Variants in LRMDA observed in about 807,000 individuals in gnomAD.
The protein encoded by LRMDA is leucine rich melanocyte differentiation associated.
In LRMDA, 18 loss-of-function variants were observed where a neutral mutation model predicts 29.8. That is an observed-to-expected ratio of 0.60 (90% CI 0.42 to 0.90). The LOEUF is 0.90. Among genes scored for constraint, LRMDA ranks in the 40% least tolerant of loss-of-function variants. The pLI, the probability that LRMDA is intolerant of heterozygous loss-of-function variation, is 0.00. For synonymous variants in LRMDA, 125 were observed against 109.4 expected, an observed-to-expected ratio of 1.14 and a Z score of -0.89; for missense variants, 273 against 273.9, an observed-to-expected ratio of 1.00 and a Z score of 0.02.
intron 2 of LRMDA, among the ~76,000 whole-genome samples, chr10:75,985,963 G>T (rs1022163130): frequency 2.6e-5 from 4 of 152,214 alleles, no homozygotes; most frequent in Admixed American, 2.0e-4. Flanking sequence ...TGGTAGAAAG[G>T]CTCTTGTATC....
chr10:75,727,670 A>C (rs566000567), intron 2 of LRMDA, among the ~76,000 whole-genome samples: 1 of 152,368 alleles, frequency 6.6e-6, no homozygotes, highest in South Asian at 2.1e-4. Flanking sequence ...TATTTTACAT[A>C]ACAAAGAAGA....
chr10:76,525,578 A>G, intron 6 of LRMDA, among the ~76,000 whole-genome samples: 1 of 151,146 alleles, frequency 6.6e-6, no homozygotes, highest in East Asian at 1.9e-4. Flanking sequence ...GGCCTATAAT[A>G]GGTTCTTGTA....
At chr10:76,423,754 G>A (rs1314971810) in intron 6 of LRMDA, among the ~76,000 whole-genome samples, 3 of 152,186 alleles carry the variant, frequency 2.0e-5, no homozygotes, top group African/African-American at 7.2e-5. Context: ...GCTAGAATGA[G>A]TTTTCCCATT....
intron 5 of LRMDA, among the ~76,000 whole-genome samples, chr10:76,199,228 T>C (rs1477479953): frequency 6.6e-6 from 1 of 152,198 alleles, no homozygotes; most frequent in Non-Finnish European, 1.5e-5. Context: ...GTCCTGTTTT[T>C]ACCAGGTCAT....
chr10:75,969,662 C>T (rs1327269070), intron 2 of LRMDA, among the ~76,000 whole-genome samples: 1 of 152,186 alleles, frequency 6.6e-6, no homozygotes, highest in African/African-American at 2.4e-5. Flanking sequence ...CAGCCCAATG[C>T]TTTAATTTTC....
intron 2 of LRMDA, among the ~76,000 whole-genome samples, chr10:75,528,692 T>C (rs900450791): frequency 6.6e-6 from 1 of 152,050 alleles, no homozygotes; most frequent in African/African-American, 2.4e-5. Flanking sequence ...GGGCAGAAAT[T>C]TAAGGATTGC....
chr10:76,331,077 C>T (rs1310504262), intron 6 of LRMDA, among the ~76,000 whole-genome samples: 1 of 152,128 alleles, frequency 6.6e-6, no homozygotes, highest in Non-Finnish European at 1.5e-5. Context: ...TCGAGACCAG[C>T]CTGGCCAACA....
At chr10:76,412,796 C>A (rs1040018533) in intron 6 of LRMDA, among the ~76,000 whole-genome samples, 8 of 152,058 alleles carry the variant, frequency 5.3e-5, no homozygotes, top group Admixed American at 2.6e-4. Context: ...CTGCAATCTT[C>A]CTCCTTTCCC....
At chr10:75,684,092 T>C (rs1220363514) in intron 2 of LRMDA, among the ~76,000 whole-genome samples, 1 of 152,254 alleles carries the variant, frequency 6.6e-6, no homozygotes, top group East Asian at 1.9e-4. Context: ...CCATTCCAAT[T>C]TGGCTGAAGT....
intron 2 of LRMDA, among the ~76,000 whole-genome samples, chr10:75,786,752 AT>A (rs1216958403): frequency 3.9e-5 from 6 of 151,988 alleles, no homozygotes; most frequent in South Asian, 2.1e-4. Context: ...TTCTCTAGAT[AT>A]TTTTTTCTAT....
chr10:76,458,730 C>T (rs3740241), intron 6 of LRMDA, among the ~76,000 whole-genome samples: 98,731 of 151,540 alleles, frequency 0.65, 33,966 homozygotes, highest in Non-Finnish European at 0.78. Context: ...TTCACAGGGG[C>T]CACAGAAATC....
At chr10:75,876,265 T>C (rs1438744775) in intron 2 of LRMDA, among the ~76,000 whole-genome samples, 1 of 152,162 alleles carries the variant, frequency 6.6e-6, no homozygotes, top group Non-Finnish European at 1.5e-5. Context: ...CAGTGAAAGT[T>C]GATTTGCTTA....
At chr10:75,688,729 G>A (rs1317661373) in intron 2 of LRMDA, among the ~76,000 whole-genome samples, 1 of 152,146 alleles carries the variant, frequency 6.6e-6, no homozygotes, top group Non-Finnish European at 1.5e-5. Flanking sequence ...TTCGTGAAAG[G>A]AAGTTGATAT....
At chr10:75,637,054 C>G (rs1841398156) in intron 2 of LRMDA, among the ~76,000 whole-genome samples, 1 of 152,174 alleles carries the variant, frequency 6.6e-6, no homozygotes, top group Non-Finnish European at 1.5e-5. Context: ...TATGCCTACT[C>G]TATTGGAGGA....
intron 2 of LRMDA, among the ~76,000 whole-genome samples, chr10:75,634,179 TC>T (rs1373436700): frequency 6.6e-6 from 1 of 152,192 alleles, no homozygotes; most frequent in African/African-American, 2.4e-5. Flanking sequence ...AAAGCAGACA[TC>T]TTCTTTTGTG....
Position 76,116,959 on chromosome 10 carries a change from C to T in LRMDA, c.516+58176C>T, listed in dbSNP as rs115282740. ...GTAACCAGTTTCCCTTTGTTATTCA[C>T]GTCTATCCAATAACTCTTGCTCTTA... is the stretch of plus-strand genomic sequence containing the variant. On this transcript the variant is annotated intron_variant, in intron 5 of 6. Transcript: ENST00000611255. Among the ~76,000 whole-genome samples the T allele has an allele frequency of 4.0e-3, 605 of 152,194 alleles. 3 individuals are homozygous for T. The highest frequency in any genetic ancestry group is 0.013 in the African/African-American group (543 of 41,518).
At chr10:75,549,675 C>A (rs530587067) in intron 2 of LRMDA, among the ~76,000 whole-genome samples, 44 of 152,202 alleles carry the variant, frequency 2.9e-4, no homozygotes, top group African/African-American at 8.4e-4. Flanking sequence ...ACAATTAATT[C>A]CCTTTCTAAG....
At chr10:75,828,331 T>C (rs1190458234) in intron 2 of LRMDA, among the ~76,000 whole-genome samples, 1 of 152,200 alleles carries the variant, frequency 6.6e-6, no homozygotes, top group Non-Finnish European at 1.5e-5. Flanking sequence ...CCAGGTCCAA[T>C]TTTATAATTT....
intron 2 of LRMDA, among the ~76,000 whole-genome samples, chr10:75,499,927 A>T (rs1368311594): frequency 6.6e-6 from 1 of 152,184 alleles, no homozygotes; most frequent in African/African-American, 2.4e-5. Context: ...CAATGAAAAG[A>T]TAGTTGAGCT....
Sources: gnomAD v4.1 joint callset for allele counts (sites outside exome capture counted in the v4.1 genomes callset) on GRCh38, gnomAD v4.1.1 for gene constraint, MANE v1.5 for transcripts, NCBI Gene and HGNC (gene_info 2026-07-23, HGNC 2026-07-21) for gene names.